The following TARBP1 variants were observed in gnomAD, a reference collection of about 807,000 sequenced individuals.
The protein encoded by TARBP1 is tRNA (guanosine(18)-2'-O)-methyltransferase TARBP1.
A neutral mutation model predicts 178.6 loss-of-function variants in TARBP1; 144 were observed. That is an observed-to-expected ratio of 0.81 (90% CI 0.70 to 0.93). The LOEUF is 0.93. TARBP1 is among the 40% of genes least tolerant of loss of function. The pLI, the probability that TARBP1 is intolerant of heterozygous loss-of-function variation, is 0.00. For missense variants in TARBP1, 2,067 were observed against 2,011.7 expected (o/e 1.03, Z -0.53); for synonymous variants, 787 against 781.0 (o/e 1.01, Z -0.13).
intron 8 of TARBP1, among the ~76,000 whole-genome samples, 192 bp downstream of exon 8, chr1:234,459,038 T>C (rs934575812): frequency 6.6e-6 from 1 of 152,188 alleles, no homozygotes; most frequent in African/African-American, 2.4e-5. Flanking sequence ...CCTCCCAAAA[T>C]CCAAGGTCCC....
At chr1:234,467,679 T>C (rs763289752) in intron 3 of TARBP1, 29 bp from the exon 4 acceptor site, 2 of 1,538,570 alleles carry the variant, frequency 1.3e-6, no homozygotes, top group East Asian at 4.7e-5. Flanking sequence ...AATGTTGACA[T>C]CTGATTCTGT....
At position 234,471,270 on chromosome 1, in the gene TARBP1, G is replaced by A. The variant is rs1242450487; in HGVS notation, c.1030-13C>T. On this transcript the variant is annotated splice_polypyrimidine_tract_variant and intron_variant, in intron 2 of 29. Transcript: ENST00000040877. ...TTATAACATGTATCTAAAAATAAGA[G>A]CAAAAAAATCATATGAAATGAAAAT... 2 of 1,526,666 alleles carry A rather than the reference G, an allele frequency of 1.3e-6. No individual in the cohort carries two copies. Among genetic ancestry groups the A allele is most frequent in the Admixed American group, 2.1e-5 (1 of 48,586 alleles). 94.6% of individuals were successfully genotyped at this position (1,526,666 alleles called of 1,614,324 possible). A position where few individuals can be genotyped will look rare whatever the true frequency, so the allele number is the denominator to read the frequency against.
intron 5 of TARBP1, 150 bp downstream of exon 5, chr1:234,465,506 A>G: frequency 1.5e-6 from 1 of 646,560 alleles, no homozygotes; most frequent in Non-Finnish European, 2.5e-6. Flanking sequence ...TGCAAGAAGA[A>G]TAACAGATAG....
At chr1:234,426,684 G>A (rs1384162925) in intron 19 of TARBP1, among the ~76,000 whole-genome samples, 2 of 151,866 alleles carry the variant, frequency 1.3e-5, no homozygotes, top group East Asian at 1.9e-4. Flanking sequence ...TGAAAGCCAT[G>A]TGAAAAAATA....
At chr1:234,431,151 A>G (rs1244430746) in intron 14 of TARBP1, among the ~76,000 whole-genome samples, 1 of 152,222 alleles carries the variant, frequency 6.6e-6, no homozygotes, top group Non-Finnish European at 1.5e-5. Context: ...GCCAACCAGT[A>G]ATGTCTGTAT....
At chr1:234,428,489 G>A (rs1361258074) in intron 17 of TARBP1, among the ~76,000 whole-genome samples, 2 of 152,046 alleles carry the variant, frequency 1.3e-5, no homozygotes, top group Non-Finnish European at 2.9e-5. Context: ...ATGGAAGAAT[G>A]ACCAGTGTTG....
rs140656506 is a variant in TARBP1 at position 234,412,788 on chromosome 1, G to A, written c.3706-2257C>T. Among the ~76,000 whole-genome samples, 261 of 152,318 alleles carry A rather than the reference G, an allele frequency of 1.7e-3. 3 individuals are homozygous for A. The highest frequency in any genetic ancestry group is 5.8e-4 in the East Asian group (3 of 5,186). On this transcript the variant is annotated intron_variant, in intron 22 of 29. Coordinates refer to ENST00000040877, the MANE Select transcript of TARBP1 (RefSeq NM_005646.4). The stretch of plus-strand genomic sequence containing the variant: ...CTGAAACCAAAAGGACTGGTGATAA[G>A]CAGGAAAGACTGAAAAGGTCAGTGT...
intron 12 of TARBP1, among the ~76,000 whole-genome samples, chr1:234,444,705 CAG>C (rs1665972330): frequency 1.3e-5 from 2 of 150,642 alleles, no homozygotes; most frequent in Non-Finnish European, 3.0e-5. Context: ...AAAAAAAAAA[CAG>C]AATAAATTAG....
chr1:234,429,755 T>A, intron 15 of TARBP1, 78 bp from the exon 16 acceptor site: 2 of 874,436 alleles, frequency 2.3e-6, no homozygotes, highest in Non-Finnish European at 3.1e-6. Flanking sequence ...ACACTATCCT[T>A]TCTAAAGGTG....
At chr1:234,410,388 C>A in intron 23 of TARBP1, 57 bp downstream of exon 23, 1 of 1,100,394 alleles carries the variant, frequency 9.1e-7, no homozygotes, top group Non-Finnish European at 1.3e-6. Flanking sequence ...AAAATTGGTA[C>A]AAATACATAC....
intron 17 of TARBP1, among the ~76,000 whole-genome samples, chr1:234,428,788 C>T (rs930380958): frequency 1.6e-4 from 24 of 152,172 alleles, no homozygotes; most frequent in South Asian, 2.1e-4. Context: ...TCACGTGATC[C>T]GCCCGCCTCA....
At chr1:234,459,120 C>A in intron 8 of TARBP1, 110 bp downstream of exon 8, 1 of 685,492 alleles carries the variant, frequency 1.5e-6, no homozygotes. Context: ...TATTTTATTA[C>A]AAGCAGGCCT....
chr1:234,392,345 A>G (rs1014397764), intron 29 of TARBP1, 71 bp downstream of exon 29: 4 of 1,564,660 alleles, frequency 2.6e-6, no homozygotes, highest in South Asian at 2.4e-5. Context: ...CAAAAACAAA[A>G]AAAAACAAGG....
At chr1:234,468,459 C>T (rs1013912970) in intron 3 of TARBP1, among the ~76,000 whole-genome samples, 2 of 152,076 alleles carry the variant, frequency 1.3e-5, no homozygotes, top group East Asian at 1.9e-4. Flanking sequence ...CAGAGTGAGA[C>T]TCTGTCTTGA....
Position 234,460,394 on chromosome 1 carries a change from TA to T in TARBP1, c.1401del (p.Ser467ArgfsTer5). The T allele has an allele frequency of 6.2e-7, 1 of 1,613,372 alleles. No homozygotes were observed. The highest frequency in any genetic ancestry group is 2.2e-5 in the East Asian group (1 of 44,856). On this transcript the variant is annotated frameshift_variant and splice_region_variant, in exon 7 of 30. Coordinates refer to ENST00000040877, the MANE Select transcript of TARBP1 (RefSeq NM_005646.4). LOFTEE classifies it high-confidence loss of function. ...TTCCGAATAAACTTCAATAGGAAGC[TA>T]CCTGAAAGAAAAAGTTTTAAATTAT... ...YISLLPEEIK[S>X]SFLLKFIRKM...
chr1:234,459,549 C>T (rs988050326), intron 7 of TARBP1, among the ~76,000 whole-genome samples: 5 of 152,140 alleles, frequency 3.3e-5, no homozygotes, highest in Non-Finnish European at 7.3e-5. Context: ...CAGTGGCTCA[C>T]ACCTCTAATC....
At chr1:234,467,176 G>A (rs760409944) in intron 4 of TARBP1, among the ~76,000 whole-genome samples, 2 of 152,112 alleles carry the variant, frequency 1.3e-5, no homozygotes, top group African/African-American at 2.4e-5. Flanking sequence ...GGCTCAGAAC[G>A]GTGACAACAG....
chr1:234,479,009 C>A lies in TARBP1; in HGVS notation c.95G>T (p.Arg32Leu). ...ALCQGEASAE[R>L]VETLRFLLQR... ...CAGAAGGAAGCGCAGCGTCTCCACG[C>A]GCTCCGCGGATGCCTCCCCTTGGCA... Residue 32 changes from arginine to leucine, a missense_variant, in exon 1 of 30, where the codon CGC becomes CTC. Physicochemically the swap from Arg to Leu is moderately radical, Grantham distance 102 (BLOSUM62 -2). Transcript: ENST00000040877. 6.6e-7 allele frequency: 1 copy of A among 1,514,904 alleles called. No individual in the cohort carries two copies. The highest frequency in any genetic ancestry group is 2.8e-5 in the East Asian group (1 of 36,124). The allele number at this position is 1,514,904 out of a possible 1,614,324, so 93.8% of individuals were successfully genotyped here.
At chr1:234,465,549 G>A in intron 5 of TARBP1, 107 bp downstream of exon 5, 1 of 958,752 alleles carries the variant, frequency 1.0e-6, no homozygotes, top group South Asian at 2.7e-5. Flanking sequence ...AAACTCAACT[G>A]TCTATTCAGC....
Sources: gnomAD v4.1 joint callset for allele counts (sites outside exome capture counted in the v4.1 genomes callset) on GRCh38, gnomAD v4.1.1 for gene constraint, MANE v1.5 for transcripts, NCBI Gene and HGNC (gene_info 2026-07-23, HGNC 2026-07-21) for gene names.